The following WASHC2A variants were observed in gnomAD, a reference collection of about 807,000 sequenced individuals.
WASHC2A encodes WASH complex subunit 2A.
WASHC2A carries 82 observed loss-of-function variants against 140.3 expected under a neutral mutation model. The ratio of observed to expected loss-of-function variants is 0.58; its 90% CI spans 0.49 to 0.70. The LOEUF (loss-of-function observed/expected upper bound fraction) is 0.70, where lower values mean the gene tolerates loss of function less well. Ranked by LOEUF, WASHC2A falls within the 30% of genes least tolerant of loss-of-function variation. The probability of loss-of-function intolerance (pLI) is 0.00; values close to 1 mark genes in which losing one functional copy is unlikely to be tolerated. For synonymous variants in WASHC2A, 340 were observed against 560.8 expected, an observed-to-expected ratio of 0.61 and a Z score of 5.56; for missense variants, 985 against 1,521.8, an observed-to-expected ratio of 0.65 and a Z score of 5.87.
intron 3 of WASHC2A, among the ~76,000 whole-genome samples, chr10:50,076,279 C>A (rs564978695): frequency 6.6e-6 from 1 of 152,196 alleles, no homozygotes; most frequent in Non-Finnish European, 1.5e-5. Flanking sequence ...GCACGATTAT[C>A]TTACTATATT....
chr10:50,119,760 A>G lies in WASHC2A; in HGVS notation c.2469A>G (p.Glu823=). ...ACATTATCCAGGCTCCACAGAAAGA[A>G]GTAGGAAAGGTAAGCAAAAAGCAAT... is the stretch of plus-strand genomic sequence containing the variant. ...DQNIIQAPQK[E]VGKGRDPDAH... The change falls in exon 23 of 31, where the codon GAA becomes GAG. Residue 823 remains glutamate, a synonymous_variant. Transcript: ENST00000282633. 1 of 1,607,102 alleles carries G rather than the reference A, an allele frequency of 6.2e-7. No individual in the cohort carries two copies. Among genetic ancestry groups the G allele is most frequent in the Non-Finnish European group, 8.5e-7 (1 of 1,179,772 alleles).
At position 50,074,649 on chromosome 10, in the gene WASHC2A, G is replaced by A. The variant is rs528557911; in HGVS notation, c.292-4026G>A. ...ATTGAACCTACAGTAGGCCGGGTGC[G>A]GTGGCTCACGCCTGTAGCACTTTGG... is the stretch of plus-strand genomic sequence containing the variant. On this transcript the variant is annotated intron_variant, in intron 3 of 30. Coordinates refer to ENST00000282633, the MANE Select transcript of WASHC2A (RefSeq NM_001005751.3). Among the ~76,000 whole-genome samples the A allele has an allele frequency of 3.9e-3, 598 of 152,202 alleles. 3 individuals carry two copies. The highest frequency in any genetic ancestry group is 0.013 in the African/African-American group (560 of 41,544).
chr10:50,129,628 C>T lies in WASHC2A; in HGVS notation c.3297C>T (p.Ala1099=), dbSNP rs990305170. ...EDSTEEALAA[A]AAPWEGGPVP... ...GCACTGAGGAGGCCCTGGCAGCTGC[C>T]GCTGCACCTTGGGAAGGTGGTCCTG... is the stretch of plus-strand genomic sequence containing the variant. Residue 1099 remains alanine (A), a synonymous_variant, in exon 29 of 31, where the codon GCC becomes GCT. Coordinates refer to ENST00000282633, the MANE Select transcript of WASHC2A (RefSeq NM_001005751.3). 42 of 1,612,046 alleles carry T rather than the reference C, an allele frequency of 2.6e-5. No individual in the cohort carries two copies. Among genetic ancestry groups the T allele is most frequent in the East Asian group, 1.6e-4 (7 of 44,876 alleles).
chr10:50,079,951 T>G lies in WASHC2A; in HGVS notation c.355-807T>G, dbSNP rs1303441962. ...GTTCAGTTAGAAAGACTTCAGTACT[T>G]GAGATAAAAGACTAAAATGCTCGTA... On this transcript the variant is annotated intron_variant, in intron 4 of 30. Coordinates refer to ENST00000282633, the MANE Select transcript of WASHC2A (RefSeq NM_001005751.3). Among the ~76,000 whole-genome samples the G allele has an allele frequency of 2.7e-5, 4 of 148,518 alleles. No individual in the cohort carries two copies. The East Asian group carries it at 8.0e-4, about 30-fold the overall frequency.
rs1423781338 is a variant in WASHC2A at position 50,083,147 on chromosome 10, C to T, written c.529-925C>T. The stretch of plus-strand genomic sequence containing the variant: ...CTGAGTAAATGGGATTATAGGTGTG[C>T]GCCACCACACCCAGCTAATTTTTAG... On this transcript the variant is annotated intron_variant, in intron 5 of 30. Coordinates refer to ENST00000282633, the MANE Select transcript of WASHC2A (RefSeq NM_001005751.3). 5.5e-5 allele frequency among the ~76,000 whole-genome samples: 6 copies of T among 109,798 alleles called. 1 individual carries two copies. The South Asian group carries it at 1.9e-3, about 35-fold the overall frequency. The allele number at this position is 109,798 out of a possible 152,430, so 72.0% of individuals were successfully genotyped here. A position where few individuals can be genotyped will look rare whatever the true frequency, so the allele number is the denominator to read the frequency against.
chr10:50,132,263 C>G (rs1301396114), intron 30 of WASHC2A, among the ~76,000 whole-genome samples: 1 of 152,162 alleles, frequency 6.6e-6, no homozygotes, highest in East Asian at 1.9e-4. Flanking sequence ...TGGATAAAAC[C>G]CTAGCAGTAA....
intron 13 of WASHC2A, among the ~76,000 whole-genome samples, chr10:50,094,415 G>C (rs1177104535): frequency 6.8e-6 from 1 of 147,690 alleles, no homozygotes. Flanking sequence ...GTGATCACCC[G>C]CCTAGACCTG....
chr10:50,097,832 G>T (rs1172164215), intron 16 of WASHC2A, 30 bp downstream of exon 16: 2 of 1,611,422 alleles, frequency 1.2e-6, no homozygotes, highest in Middle Eastern at 2.3e-4. Flanking sequence ...TAACGCAGGA[G>T]CATTGATCTG....
At chr10:50,075,186 C>T (rs1386570603) in intron 3 of WASHC2A, among the ~76,000 whole-genome samples, 3 of 151,568 alleles carry the variant, frequency 2.0e-5, no homozygotes, top group Admixed American at 6.6e-5. Flanking sequence ...ATTTAATAAT[C>T]TTCTAATATT....
At chr10:50,076,211 G>A (rs1161115875) in intron 3 of WASHC2A, among the ~76,000 whole-genome samples, 45 of 152,224 alleles carry the variant, frequency 3.0e-4, no homozygotes, top group Non-Finnish European at 2.9e-4. Flanking sequence ...AAAGTGCTGG[G>A]ATTACAGGCG....
Position 50,119,686 on chromosome 10 carries a change from A to G in WASHC2A, c.2395A>G (p.Thr799Ala), listed in dbSNP as rs1317908217. 6.3e-7 allele frequency: 1 copy of G among 1,598,014 alleles called. No homozygotes were observed. Among genetic ancestry groups the G allele is most frequent in the East Asian group, 2.2e-5 (1 of 44,448 alleles). ...CAAAGGAACCAAGCCTAGAACCAAA[A>G]CTGTTCTTAGCTTGTTTGATGAGGA... The part of the protein sequence containing the change: ...WDKGTKPRTK[T>A]VLSLFDEEED... The change falls in exon 23 of 31, where the codon ACT becomes GCT. Residue 799 changes from threonine (T) to alanine (A), a missense_variant. Coordinates refer to ENST00000282633, the MANE Select transcript of WASHC2A (RefSeq NM_001005751.3).
chr10:50,097,996 C>T (rs1367451875), intron 16 of WASHC2A, among the ~76,000 whole-genome samples, 194 bp downstream of exon 16: 9 of 151,496 alleles, frequency 5.9e-5, no homozygotes, highest in Non-Finnish European at 1.3e-4. Flanking sequence ...TTTTGGCAAA[C>T]ACTTTATGGA....
intron 3 of WASHC2A, among the ~76,000 whole-genome samples, chr10:50,076,882 C>T (rs1405113779): frequency 6.6e-6 from 1 of 151,028 alleles, no homozygotes; most frequent in East Asian, 1.9e-4. Context: ...CTTTGGGAGG[C>T]TGAGGTGGGC....
chr10:50,130,766 C>T, intron 29 of WASHC2A, 135 bp from the exon 30 acceptor site: 1 of 1,389,000 alleles, frequency 7.2e-7, no homozygotes, highest in South Asian at 1.4e-5. Flanking sequence ...GGTAGTGCAT[C>T]CCAGGCAGAG....
rs1446363708 is a variant in WASHC2A at position 50,133,484 on chromosome 10, T to C, written c.*539T>C. 1 of 469,292 alleles carries C rather than the reference T, an allele frequency of 2.1e-6. No homozygotes were observed. Among genetic ancestry groups the C allele is most frequent in the South Asian group, 1.6e-5 (1 of 64,482 alleles). The allele number at this position is 469,292 out of a possible 1,614,324, so 29.1% of individuals were successfully genotyped here. ...CCCCCCCACTGTCATATTTTGTTAA[T>C]AAAATTTTATTGGAACACAACCACA... is the stretch of plus-strand genomic sequence containing the variant. On this transcript the variant is annotated 3_prime_UTR_variant, in exon 31 of 31. Coordinates refer to ENST00000282633, the MANE Select transcript of WASHC2A (RefSeq NM_001005751.3).
At position 50,068,043 on chromosome 10, in the gene WASHC2A, G is replaced by C. The variant is rs782579576; in HGVS notation, c.3+35G>C. ...CCGGGCAGGAGAGAGGCCGGCCTGG[G>C]CTGGGGCCGCCGTCCCTGCCGCCCT... is the stretch of plus-strand genomic sequence containing the variant. On this transcript the variant is annotated intron_variant, in intron 1 of 30. Transcript: ENST00000282633. The C allele has an allele frequency of 3.7e-6, 6 of 1,607,680 alleles. No individual in the cohort carries two copies. The Admixed American group carries it at 8.4e-5, about 22-fold the overall frequency.
rs1406109585 is a variant in WASHC2A at position 50,069,595 on chromosome 10, C to T, written c.175C>T (p.His59Tyr). The T allele has an allele frequency of 6.2e-7, 1 of 1,613,776 alleles. No individual in the cohort carries two copies. Among genetic ancestry groups the T allele is most frequent in the African/African-American group, 1.3e-5 (1 of 74,898 alleles). ...EFSQQTISRTHEIKKQVDGLI... is the reference protein window; with the variant it reads ...EFSQQTISRTYEIKKQVDGLI... ...CTCACAGCAAACTATCTCTAGGACC[C>T]ATGAAATCAAGAAACAAGTGGACGG... The change falls in exon 3 of 31, where the codon CAT (histidine) becomes TAT (tyrosine). Residue 59 changes from histidine to tyrosine, a missense_variant. Coordinates refer to ENST00000282633, the MANE Select transcript of WASHC2A (RefSeq NM_001005751.3).
In WASHC2A at chr10:50,130,001, C is replaced by A; in HGVS notation, c.3670C>A (p.Gln1224Lys). The change falls in exon 29 of 31, where the codon CAG becomes AAG. Residue 1224 changes from glutamine to lysine, a missense_variant. Coordinates refer to ENST00000282633, the MANE Select transcript of WASHC2A (RefSeq NM_001005751.3). ...GAAGAATGAGACAAAATCCAATAGT[C>A]AGCAGGATGTCATATTAACAACACA... is the stretch of plus-strand genomic sequence containing the variant. The part of the protein sequence containing the change: ...VKKNETKSNS[Q>K]QDVILTTQDI... 6.2e-7 allele frequency: 1 copy of A among 1,611,508 alleles called. No individual in the cohort carries two copies. Among genetic ancestry groups the A allele is most frequent in the Non-Finnish European group, 8.5e-7 (1 of 1,179,816 alleles).
rs2305302 is a variant in WASHC2A at position 50,095,689 on chromosome 10, G to A, written c.1331G>A (p.Gly444Asp). The change falls in exon 15 of 31, where the codon GGT (glycine) becomes GAT (aspartate). Residue 444 changes from glycine to aspartate, a missense_variant. Gly to Asp is a moderately conservative substitution (Grantham distance 94). Coordinates refer to ENST00000282633, the MANE Select transcript of WASHC2A (RefSeq NM_001005751.3). ...EQPTPRKSPY[G>D]PPPTGLFDDD... is the part of the protein sequence containing the mutation. ...CCCACTCCAAGGAAAAGCCCCTATG[G>A]TCCCCCTCCCACTGGCCTCTTTGAT... 374,174 of 1,602,712 alleles carry A rather than the reference G, an allele frequency of 0.23. 46,993 individuals carry two copies. The highest frequency in any genetic ancestry group is 0.64 in the East Asian group (28,590 of 44,402).
Sources: allele counts gnomAD v4.1 joint callset (sites outside exome capture counted in the v4.1 genomes callset), GRCh38; gene constraint gnomAD v4.1.1; transcripts MANE v1.5; gene names NCBI Gene and HGNC (gene_info 2026-07-23, HGNC 2026-07-21).